CAPN8: variants seen among roughly 807,000 people sequenced by gnomAD.
CAPN8 encodes calpain 8, also known as calpain-8.
A neutral mutation model predicts 80.9 loss-of-function variants in CAPN8; 87 were observed. The ratio of observed to expected loss-of-function variants is 1.07; its 90% confidence interval spans 0.90 to 1.28. CAPN8 has a LOEUF of 1.28. CAPN8 is among the 50% of genes most tolerant of loss of function. The pLI is 0.00. For synonymous variants in CAPN8, 299 were observed against 273.8 expected (o/e 1.09, Z -0.91); for missense variants, 757 against 702.0 (o/e 1.08, Z -0.89).
intron 1 of CAPN8, among the ~76,000 whole-genome samples, chr1:223,664,789 A>G (rs1025144593): frequency 2.8e-4 from 42 of 152,192 alleles, no homozygotes; most frequent in Admixed American, 2.6e-4. Context: ...ATATGTAAAC[A>G]TTAGCTGGGT....
chr1:223,622,889 C>T lies in CAPN8; in HGVS notation c.825G>A (p.Gln275=). 1 of 1,551,636 alleles carries T rather than the reference C, an allele frequency of 6.4e-7. No homozygotes were observed. The change falls in exon 7 of 21, where the codon CAG becomes CAA. Residue 275 remains glutamine, a synonymous_variant. Transcript: ENST00000366872. The part of the protein sequence containing the change: ...SVTGVEEVNF[Q]GHPEKLIRLR... Reference sequence around the variant, plus strand: ...GTCTGATCAGCTTCTCTGGATGGCCCTGGAAATTCACCTGCAAATTCCATA... The same window carrying T: ...GTCTGATCAGCTTCTCTGGATGGCCTTGGAAATTCACCTGCAAATTCCATA...
chr1:223,654,426 AGTCACAAGGT>A, intron 1 of CAPN8, 27 bp from the exon 2 acceptor site: 1 of 1,548,698 alleles, frequency 6.5e-7, no homozygotes, highest in Non-Finnish European at 8.7e-7. Flanking sequence ...ACAAAACACA[AGTCACAAGGT>A]GCTCAGTGAT....
intron 17 of CAPN8, 25 bp from the exon 18 acceptor site, chr1:223,544,875 T>C: frequency 6.4e-7 from 1 of 1,551,292 alleles, no homozygotes; most frequent in Non-Finnish European, 8.7e-7. Context: ...AAATCCCAAG[T>C]AGAAAACAAC....
At chr1:223,652,812 T>C (rs1007165963) in intron 2 of CAPN8, among the ~76,000 whole-genome samples, 2 of 152,106 alleles carry the variant, frequency 1.3e-5, no homozygotes, top group Non-Finnish European at 2.9e-5. Context: ...CAGAGGCTGC[T>C]GCGTTTGTTC....
At chr1:223,549,456 A>G (rs1279310798) in intron 15 of CAPN8, 74 bp from the exon 16 acceptor site, 8 of 1,545,208 alleles carry the variant, frequency 5.2e-6, no homozygotes, top group Non-Finnish European at 7.0e-6. Flanking sequence ...CCACGGTAGA[A>G]GACCTCCAAA....
At chr1:223,626,147 C>T (rs776414995) in intron 5 of CAPN8, among the ~76,000 whole-genome samples, 4 of 152,186 alleles carry the variant, frequency 2.6e-5, no homozygotes, top group African/African-American at 4.8e-5. Flanking sequence ...CACCAAGAAA[C>T]TGGGAAGTCA....
chr1:223,630,804 G>C (rs536026931), intron 2 of CAPN8, among the ~76,000 whole-genome samples: 1 of 152,126 alleles, frequency 6.6e-6, no homozygotes, highest in African/African-American at 2.4e-5. Flanking sequence ...TGGATGGGCT[G>C]GCATGAGTTA....
In CAPN8 at chr1:223,615,528, C is replaced by T. The variant is rs1467864523; in HGVS notation, c.1311+442G>A. On this transcript the variant is annotated intron_variant, in intron 10 of 20. Transcript: ENST00000366872. ...CACCCCAGCTCATGCCCTGTGTGCT[C>T]CAAGTGTCTCAAGGCCTCCCAGGGA... is the stretch of plus-strand genomic sequence containing the variant. Among the ~76,000 whole-genome samples, 3 of 152,178 alleles carry T rather than the reference C, an allele frequency of 2.0e-5. 1 individual carries two copies. Among genetic ancestry groups the T allele is most frequent in the Non-Finnish European group, 4.4e-5 (3 of 68,028 alleles).
chr1:223,626,065 T>C (rs1201844684), intron 5 of CAPN8, among the ~76,000 whole-genome samples, 177 bp from the exon 6 acceptor site: 1 of 152,186 alleles, frequency 6.6e-6, no homozygotes, highest in Admixed American at 6.5e-5. Context: ...CCCTCTTTAA[T>C]TAGGCCTGTA....
chr1:223,650,833 C>T (rs1221486751), intron 2 of CAPN8, among the ~76,000 whole-genome samples: 1 of 152,092 alleles, frequency 6.6e-6, no homozygotes, highest in Non-Finnish European at 1.5e-5. Context: ...TGCACAAAGC[C>T]AGAAATGGAT....
intron 20 of CAPN8, among the ~76,000 whole-genome samples, chr1:223,542,876 T>A (rs1035034624): frequency 6.6e-6 from 1 of 152,142 alleles, no homozygotes; most frequent in Non-Finnish European, 1.5e-5. Flanking sequence ...TCCGAAATTA[T>A]CTGAAATGTA....
chr1:223,646,131 G>A (rs532261573), intron 2 of CAPN8, among the ~76,000 whole-genome samples: 13 of 152,296 alleles, frequency 8.5e-5, no homozygotes, highest in African/African-American at 1.4e-4. Flanking sequence ...ACAAGAGGGC[G>A]GTGACACAGC....
intron 2 of CAPN8, among the ~76,000 whole-genome samples, chr1:223,631,299 C>A (rs1299583048): frequency 6.6e-6 from 1 of 152,152 alleles, no homozygotes; most frequent in Non-Finnish European, 1.5e-5. Flanking sequence ...GCTTCTCTTG[C>A]AGAGTTATCA....
intron 9 of CAPN8, chr1:223,618,290 G>C (rs1393856258): frequency 6.4e-7 from 1 of 1,550,526 alleles, no homozygotes; most frequent in South Asian, 1.2e-5. Context: ...GCCTACACAG[G>C]GACACATTAG....
intron 2 of CAPN8, among the ~76,000 whole-genome samples, chr1:223,651,303 T>G (rs1391161748): frequency 6.6e-6 from 1 of 152,224 alleles, no homozygotes; most frequent in Non-Finnish European, 1.5e-5. Flanking sequence ...ACTCATTTAA[T>G]TACTTAAATG....
intron 1 of CAPN8, among the ~76,000 whole-genome samples, chr1:223,658,835 G>C (rs1187097594): frequency 1.3e-5 from 2 of 152,030 alleles, no homozygotes; most frequent in Non-Finnish European, 2.9e-5. Context: ...AAAATCCCCA[G>C]CTTTGCAAGG....
chr1:223,615,640 GCCCCCAT>G, intron 10 of CAPN8: 1 of 460,586 alleles, frequency 2.2e-6, no homozygotes. Flanking sequence ...AGTGCCTTAT[GCCCCCAT>G]GTTCTTGGCT....
intron 16 of CAPN8, among the ~76,000 whole-genome samples, chr1:223,548,463 T>C (rs1417588378): frequency 6.6e-6 from 1 of 152,094 alleles, no homozygotes; most frequent in Non-Finnish European, 1.5e-5. Flanking sequence ...AACCCAATCC[T>C]CATGTGAGGA....
chr1:223,642,981 G>A (rs1658083355), intron 2 of CAPN8: 1 of 344,084 alleles, frequency 2.9e-6, no homozygotes, highest in African/African-American at 2.2e-5. Flanking sequence ...ATTCACCAGA[G>A]GGAGAAAAAC....
Sources: gnomAD v4.1 joint callset for allele counts (sites outside exome capture counted in the v4.1 genomes callset) on GRCh38, gnomAD v4.1.1 for gene constraint, MANE v1.5 for transcripts, NCBI Gene and HGNC (gene_info 2026-07-23, HGNC 2026-07-21) for gene names.